SASH1: variants seen among roughly 807,000 people sequenced by gnomAD.
SASH1 encodes SAM and SH3 domain-containing protein 1.
In SASH1, 44 loss-of-function variants were observed where a neutral mutation model predicts 125.2. That is an observed-to-expected ratio of 0.35 (90% CI 0.28 to 0.45). The LOEUF is 0.45. Among genes scored for constraint, SASH1 ranks in the 20% least tolerant of loss-of-function variants. The pLI is 1.00. For synonymous variants in SASH1, 639 were observed against 649.1 expected, an observed-to-expected ratio of 0.98 and a Z score of 0.24; for missense variants, 1,426 against 1,614.5, an observed-to-expected ratio of 0.88 and a Z score of 2.00.
the SASH1 span, among the ~76,000 whole-genome samples, chr6:148,224,508 C>T: frequency 4.6e-5 from 7 of 152,128 alleles, no homozygotes; most frequent in East Asian, 1.4e-3. Context: ...TTACAGGTGC[C>T]TGCCACCACC....
At position 148,532,712 on chromosome 6, in the gene SASH1, TA is replaced by T; in HGVS notation, c.1565-83del. On this transcript the variant is annotated intron_variant, in intron 13 of 19. Coordinates refer to ENST00000367467, the MANE Select transcript of SASH1 (RefSeq NM_015278.5). The surrounding 1 kb of genome is among the most constrained non-coding windows in gnomAD (Gnocchi z 4.7). Reference sequence around the variant, plus strand: ...TTCCTTTCTCTGGGCCTTCATTTCCTAATCTGCCATACCTTCAATACCTTTC... The same window carrying T: ...TTCCTTTCTCTGGGCCTTCATTTCCTATCTGCCATACCTTCAATACCTTTC... The T allele has an allele frequency of 6.7e-7, 1 of 1,494,516 alleles. No homozygotes were observed. The highest frequency in any genetic ancestry group is 9.2e-7 in the Non-Finnish European group (1 of 1,092,268). 92.6% of individuals were successfully genotyped at this position (1,494,516 alleles called of 1,614,324 possible).
intron 1 of SASH1, among the ~76,000 whole-genome samples, chr6:148,317,351 G>C (rs1401461864): frequency 1.3e-5 from 2 of 152,296 alleles, no homozygotes; most frequent in East Asian, 3.9e-4. Context: ...TAAACACTAT[G>C]GGTGGATCAA....
chr6:148,330,225 G>A (rs1166382664), intron 1 of SASH1, among the ~76,000 whole-genome samples: 1 of 152,102 alleles, frequency 6.6e-6, no homozygotes, highest in Non-Finnish European at 1.5e-5. Context: ...CCAAAGTATT[G>A]TGCAAGCATA....
At chr6:148,525,234 A>ACT in intron 10 of SASH1, 57 bp from the exon 11 acceptor site, 1 of 1,326,050 alleles carries the variant, frequency 7.5e-7, no homozygotes, top group Non-Finnish European at 1.1e-6. Context: ...GGGTTGGTGC[A>ACT]CTGCCGGCTG....
intron 7 of SASH1, among the ~76,000 whole-genome samples, chr6:148,481,310 T>C (rs1406879496): frequency 6.6e-6 from 1 of 152,186 alleles, no homozygotes; most frequent in Non-Finnish European, 1.5e-5. Context: ...ACGCAGACCA[T>C]TCAAACTTTC....
At chr6:148,329,169 C>A (rs538623552) in intron 1 of SASH1, among the ~76,000 whole-genome samples, 4 of 152,216 alleles carry the variant, frequency 2.6e-5, no homozygotes, top group Non-Finnish European at 5.9e-5. Flanking sequence ...GAATCAACAT[C>A]ATCTGATTTT....
At chr6:148,291,736 A>T (rs61667542) in intron 1 of SASH1, among the ~76,000 whole-genome samples, 7,832 of 152,070 alleles carry the variant, frequency 0.052, 426 homozygotes, top group East Asian at 0.27. Flanking sequence ...CTTTTTTTTT[A>T]AAAAAAGAAA....
chr6:148,357,853 C>T (rs926671712), intron 1 of SASH1, among the ~76,000 whole-genome samples: 5 of 151,844 alleles, frequency 3.3e-5, no homozygotes, highest in Admixed American at 6.6e-5. Flanking sequence ...TGAGGTCAGG[C>T]GTTCGAGACC....
rs74810592 is a variant in SASH1, at chr6:148,502,570, G to A, written c.730-11754G>A. On this transcript the variant is annotated intron_variant, in intron 8 of 19. Coordinates refer to ENST00000367467, the MANE Select transcript of SASH1 (RefSeq NM_015278.5). ...GCCCCTGAGGTAGGGAGGGACTTTCGGTGCTTCACTTTTTGGACCGTGGAG... is the reference window on the plus strand; with the variant it reads ...GCCCCTGAGGTAGGGAGGGACTTTCAGTGCTTCACTTTTTGGACCGTGGAG... Among the ~76,000 whole-genome samples, 43 of 152,308 alleles carry A rather than the reference G, an allele frequency of 2.8e-4. No individual in the cohort carries two copies. The East Asian group carries it at 7.7e-3, about 27-fold the overall frequency.
chr6:148,513,553 AT>A, intron 8 of SASH1: 1 of 985,376 alleles, frequency 1.0e-6, no homozygotes, highest in African/African-American at 1.7e-5. Flanking sequence ...AGAGAGAGAT[AT>A]TTTTCCCTCT....
chr6:148,367,960 G>GTGGA (rs1299040930), intron 1 of SASH1, among the ~76,000 whole-genome samples: 2 of 152,240 alleles, frequency 1.3e-5, no homozygotes, highest in African/African-American at 4.8e-5. Flanking sequence ...AAATAATGGA[G>GTGGA]TGGAGGATGT....
chr6:148,534,914 A>G lies in SASH1; in HGVS notation c.2095+13A>G. 2 of 1,614,010 alleles carry G rather than the reference A, an allele frequency of 1.2e-6. No homozygotes were observed. The highest frequency in any genetic ancestry group is 1.7e-6 in the Non-Finnish European group (2 of 1,179,910). On this transcript the variant is annotated intron_variant, in intron 16 of 19. Coordinates refer to ENST00000367467, the MANE Select transcript of SASH1 (RefSeq NM_015278.5). ...CAAGAGTATGACAGTAAGTCCCTGT[A>G]TGCACAGAGGTGTTCCCTGTGAGGT...
rs892874920 is a variant in SASH1 at position 148,532,409 on chromosome 6, T to G, written c.1565-388T>G. 1.3e-5 allele frequency among the ~76,000 whole-genome samples: 2 copies of G among 152,220 alleles called. No individual in the cohort carries two copies. Among genetic ancestry groups the G allele is most frequent in the African/African-American group, 4.8e-5 (2 of 41,464 alleles). ...CCACTTTAAGCTCTTTCTTACCCTT[T>G]TGGGCAAATGACATGACTGCTCTGA... On this transcript the variant is annotated intron_variant, in intron 13 of 19. Coordinates refer to ENST00000367467, the MANE Select transcript of SASH1 (RefSeq NM_015278.5). This position sits in a 1 kb window ranked among gnomAD's most constrained non-coding sequence, Gnocchi z 4.7.
chr6:148,342,755 T>G (rs1183497319), upstream of SASH1: 5 of 152,360 alleles, frequency 3.3e-5, no homozygotes, highest in Admixed American at 3.3e-4. Flanking sequence ...TTTAATTGCT[T>G]CTGGGCCGAG....
chr6:148,268,574 A>G (rs535427006), upstream of SASH1, among the ~76,000 whole-genome samples: 1 of 152,344 alleles, frequency 6.6e-6, no homozygotes, highest in African/African-American at 2.4e-5. Flanking sequence ...TGGTTGGTCT[A>G]TCAGCTTCTG....
intron 2 of SASH1, among the ~76,000 whole-genome samples, chr6:148,426,149 C>T (rs1024087174): frequency 6.6e-6 from 1 of 152,154 alleles, no homozygotes; most frequent in Non-Finnish European, 1.5e-5. Context: ...GCGGAGGCTG[C>T]AGTGAGCCGA....
rs767241598 is a variant in SASH1, at chr6:148,519,768, C to G, written c.1084C>G (p.Leu362Val). The change falls in exon 10 of 20, where the codon CTG becomes GTG. Residue 362 changes from leucine (L) to valine (V), a missense_variant. Physicochemically the swap from Leu to Val is conservative, Grantham distance 32. Transcript: ENST00000367467. The surrounding 1 kb of genome is among the most constrained non-coding windows in gnomAD (Gnocchi z 4.8). ...CTTCAGCAAAGGAGAGAGCCGGGGC[C>G]TGATTAAGCCCCCCAAGAAGATGGG... ...KTFSKGESRG[L>V]IKPPKKMGTF... 6.2e-7 allele frequency: 1 copy of G among 1,614,100 alleles called. No individual in the cohort carries two copies. Among genetic ancestry groups the G allele is most frequent in the South Asian group, 1.1e-5 (1 of 91,076 alleles).
intron 1 of SASH1, among the ~76,000 whole-genome samples, chr6:148,355,355 A>C (rs1479108238): frequency 6.6e-6 from 1 of 152,188 alleles, no homozygotes; most frequent in Non-Finnish European, 1.5e-5. Flanking sequence ...GATTTACTGG[A>C]AGAGCGTCAT....
chr6:148,391,763 T>C (rs1783738917), intron 2 of SASH1, among the ~76,000 whole-genome samples: 2 of 152,228 alleles, frequency 1.3e-5, no homozygotes, highest in African/African-American at 2.4e-5. Flanking sequence ...CGTCTGCATT[T>C]CTCAGTTTAA....
Sources: allele counts gnomAD v4.1 joint callset (sites outside exome capture counted in the v4.1 genomes callset), GRCh38; gene constraint gnomAD v4.1.1; non-coding constraint Gnocchi (gnomAD v3.1); transcripts MANE v1.5; gene names NCBI Gene and HGNC (gene_info 2026-07-23, HGNC 2026-07-21).